ECT2: variants seen among roughly 807,000 people sequenced by gnomAD.
The protein encoded by ECT2 is epithelial cell transforming 2.
A neutral mutation model predicts 116.9 loss-of-function variants in ECT2; 61 were observed. That is an observed-to-expected ratio of 0.52 (90% confidence interval 0.42 to 0.65). The LOEUF (loss-of-function observed/expected upper bound fraction) is 0.65. ECT2 is among the 30% of genes least tolerant of loss of function. ECT2 has a pLI of 0.00. For missense variants in ECT2, 937 were observed against 1,078.7 expected (o/e 0.87, Z 1.84); for synonymous variants, 358 against 346.4 (o/e 1.03, Z -0.37).
At chr3:172,816,974 TATTATC>T (rs1729831168) in intron 24 of ECT2, 137 bp downstream of exon 24, 1 of 615,934 alleles carries the variant, frequency 1.6e-6, no homozygotes, top group African/African-American at 1.9e-5. Flanking sequence ...TATGCTAAAA[TATTATC>T]ATTTGAATGC....
rs554119918 is a variant in ECT2, at chr3:172,764,354, G to A, written c.1145G>A (p.Arg382His). ...NTPNSNRKRR[R>H]LKETLAQLSR... ...CCTAACAGCAATCGCAAACGACGTC[G>A]TTTAAAAGAAACACTTGCTCAGCTT... is the stretch of plus-strand genomic sequence containing the variant. Residue 382 changes from arginine to histidine, a missense_variant, in exon 12 of 25, where the codon CGT becomes CAT. By Grantham distance (29) the Arg-to-His change is conservative (BLOSUM62 0). Coordinates refer to ENST00000392692, the MANE Select transcript of ECT2 (RefSeq NM_001258315.2). The A allele has an allele frequency of 1.1e-5, 17 of 1,614,102 alleles. No homozygotes were observed. Among genetic ancestry groups the A allele is most frequent in the African/African-American group, 4.0e-5 (3 of 75,034 alleles).
chr3:172,772,418 G>T (rs375308630), intron 13 of ECT2, among the ~76,000 whole-genome samples: 3 of 152,090 alleles, frequency 2.0e-5, no homozygotes, highest in East Asian at 1.9e-4. Context: ...GAATGATCTT[G>T]ATCTCCTGAC....
intron 14 of ECT2, among the ~76,000 whole-genome samples, chr3:172,781,134 AT>A (rs1398625443): frequency 2.6e-5 from 4 of 152,166 alleles, no homozygotes; most frequent in Non-Finnish European, 5.9e-5. Flanking sequence ...CTAATTTTAT[AT>A]TAATTCACTT....
chr3:172,755,018 C>T (rs1404298867), intron 2 of ECT2, among the ~76,000 whole-genome samples: 3 of 151,750 alleles, frequency 2.0e-5, no homozygotes, highest in Admixed American at 2.0e-4. Context: ...ATTATATGCA[C>T]TGTTGAGGAG....
At chr3:172,772,285 C>T (rs1223813881) in intron 13 of ECT2, among the ~76,000 whole-genome samples, 5 of 151,474 alleles carry the variant, frequency 3.3e-5, no homozygotes, top group African/African-American at 1.2e-4. Context: ...GAGCGCCTCC[C>T]AAGTTCACCC....
In ECT2 at chr3:172,820,200, G is replaced by A. The variant is rs1197455067; in HGVS notation, c.2708G>A (p.Ser903Asn). 6.2e-7 allele frequency: 1 copy of A among 1,610,496 alleles called. No homozygotes were observed. Among genetic ancestry groups the A allele is most frequent in the East Asian group, 2.2e-5 (1 of 44,676 alleles). Reference protein sequence around the residue: ...VSLPSFFERRSHTLSRSTTHL... With the variant: ...VSLPSFFERRNHTLSRSTTHL... ...CTTCCTTCCTTCTTTGAAAGGAGAA[G>A]TCATACGTTAAGTAGATCTACAACT... The change falls in exon 25 of 25, where the codon AGT (serine) becomes AAT (asparagine). Residue 903 changes from serine (S) to asparagine (N), a missense_variant. Transcript: ENST00000392692.
intron 14 of ECT2, among the ~76,000 whole-genome samples, chr3:172,780,519 C>T (rs1722510052): frequency 6.6e-6 from 1 of 151,992 alleles, no homozygotes; most frequent in South Asian, 2.1e-4. Flanking sequence ...TAAGAAAATG[C>T]CAGGGTTTTC....
intron 12 of ECT2, among the ~76,000 whole-genome samples, chr3:172,764,753 C>T (rs1262835344): frequency 6.6e-6 from 1 of 152,096 alleles, no homozygotes; most frequent in Non-Finnish European, 1.5e-5. Flanking sequence ...TTACAGATGA[C>T]TAAACTGAGA....
intron 13 of ECT2, 125 bp downstream of exon 13, chr3:172,769,268 G>T: frequency 1.0e-6 from 1 of 959,334 alleles, no homozygotes; most frequent in Non-Finnish European, 1.5e-6. Flanking sequence ...TGTTAAAAAT[G>T]GAATTGTGTG....
At chr3:172,808,160 C>T (rs193175362) in intron 22 of ECT2, among the ~76,000 whole-genome samples, 1 of 152,208 alleles carries the variant, frequency 6.6e-6, no homozygotes, top group African/African-American at 2.4e-5. Context: ...CTTATAGCCC[C>T]TGTGGCTCTG....
rs374836664 is a variant in ECT2, at chr3:172,796,382, G to A, written c.1908-6234G>A. 264 of 152,298 alleles carry A rather than the reference G, an allele frequency of 1.7e-3. 5 individuals carry two copies. Among genetic ancestry groups the A allele is most frequent in the African/African-American group, 6.2e-3 (256 of 41,580 alleles). The allele number at this position is 152,298 out of a possible 1,614,324, so 9.4% of individuals were successfully genotyped here. A position where few individuals can be genotyped will look rare whatever the true frequency, so the allele number is the denominator to read the frequency against. On this transcript the variant is annotated intron_variant, in intron 18 of 24. Transcript: ENST00000392692. ...GTCTGAATCTCTATGTTTACAACGA[G>A]TTTTACTTGAAGTATTGATCAGCTT... is the stretch of plus-strand genomic sequence containing the variant.
rs745338025 is a variant in ECT2 at position 172,816,801 on chromosome 3, T to C, written c.2619T>C (p.His873=). 3.7e-6 allele frequency: 6 copies of C among 1,607,198 alleles called. No individual in the cohort carries two copies. The highest frequency in any genetic ancestry group is 4.5e-5 in the East Asian group (2 of 44,786). The change falls in exon 24 of 25, where the codon CAT becomes CAC. Residue 873 remains histidine, a synonymous_variant. Coordinates refer to ENST00000392692, the MANE Select transcript of ECT2 (RefSeq NM_001258315.2). ...EGRSPSSNDK[H]VMSRLSSTSS... ...GAAGTCCTTCCAGCAATGATAAGCA[T>C]GTAATGAGTCGTCTTTCTAGCACAT... is the stretch of plus-strand genomic sequence containing the variant.
At chr3:172,818,844 T>A in intron 24 of ECT2, 1 of 1,144,162 alleles carries the variant, frequency 8.7e-7, no homozygotes, top group Non-Finnish European at 1.1e-6. Flanking sequence ...AAAATTTGTA[T>A]TTGCGGGAAA....
At position 172,820,519 on chromosome 3, in the gene ECT2, AG is replaced by A. The variant is rs1237415972; in HGVS notation, c.*283del. 1 of 229,560 alleles carries A rather than the reference AG, an allele frequency of 4.4e-6. No homozygotes were observed. Among genetic ancestry groups the A allele is most frequent in the African/African-American group, 2.3e-5 (1 of 43,948 alleles). 14.2% of individuals were successfully genotyped at this position (229,560 alleles called of 1,614,324 possible). ...ATTTAAGTTGCTATCAGCTGATATT[AG>A]TAGCTTTGCAACCCTGATAGAGTAA... On this transcript the variant is annotated 3_prime_UTR_variant, in exon 25 of 25. Coordinates refer to ENST00000392692, the MANE Select transcript of ECT2 (RefSeq NM_001258315.2).
At chr3:172,791,466 T>C (rs187231543) in intron 18 of ECT2, among the ~76,000 whole-genome samples, 4,766 of 152,334 alleles carry the variant, frequency 0.031, 94 homozygotes, top group Middle Eastern at 0.058. Flanking sequence ...ATAGCCACCT[T>C]CTTCAATTAT....
At chr3:172,797,128 C>G (rs1212570385) in intron 18 of ECT2, among the ~76,000 whole-genome samples, 1 of 151,782 alleles carries the variant, frequency 6.6e-6, no homozygotes, top group African/African-American at 2.4e-5. Flanking sequence ...TTCCCAGGCT[C>G]AAGTGATCCT....
At chr3:172,774,497 C>A (rs1396850609) in intron 14 of ECT2, among the ~76,000 whole-genome samples, 7 of 148,944 alleles carry the variant, frequency 4.7e-5, no homozygotes, top group Admixed American at 2.0e-4. Flanking sequence ...CCATGCCCTG[C>A]CTTTTTTTTT....
intron 12 of ECT2, among the ~76,000 whole-genome samples, chr3:172,766,452 A>G (rs200463636): frequency 1.3e-5 from 2 of 152,342 alleles, no homozygotes; most frequent in South Asian, 2.1e-4. Context: ...TGTTCTGAAG[A>G]ATGATTAGAA....
In ECT2 at chr3:172,755,367, C is replaced by G; in HGVS notation, c.203C>G (p.Ala68Gly). 6.2e-7 allele frequency: 1 copy of G among 1,602,624 alleles called. No homozygotes were observed. The highest frequency in any genetic ancestry group is 2.2e-5 in the East Asian group (1 of 44,728). Residue 68 changes from alanine to glycine, a missense_variant, in exon 3 of 25, where the codon GCC becomes GGC. Coordinates refer to ENST00000392692, the MANE Select transcript of ECT2 (RefSeq NM_001258315.2). Reference sequence around the variant, plus strand: ...GGAAAACAAGAAGAACTTATAAAAGCCTTAAAGGTACGGAGTTTTAGGTTT... The same window carrying G: ...GGAAAACAAGAAGAACTTATAAAAGGCTTAAAGGTACGGAGTTTTAGGTTT... ...EAGKQEELIK[A>G]LKTIKIMEVP...
Sources: allele counts gnomAD v4.1 joint callset (sites outside exome capture counted in the v4.1 genomes callset), GRCh38; gene constraint gnomAD v4.1.1; transcripts MANE v1.5; gene names NCBI Gene and HGNC (gene_info 2026-07-23, HGNC 2026-07-21).